Variants in DPF3 observed in about 807,000 individuals in gnomAD.
DPF3 encodes zinc finger protein DPF3.
Under a neutral mutation model 56.8 loss-of-function variants are expected in DPF3, and 18 were observed. The observed-to-expected ratio is 0.32, with a 90% confidence interval of 0.22 to 0.47. The LOEUF (loss-of-function observed/expected upper bound fraction) is 0.47. Among genes scored for constraint, DPF3 ranks in the 20% least tolerant of loss-of-function variants. The pLI, the probability that DPF3 is intolerant of heterozygous loss-of-function variation, is 1.00. For missense variants in DPF3, 403 were observed against 488.8 expected (o/e 0.82, Z 1.65); for synonymous variants, 188 against 180.2 (o/e 1.04, Z -0.35).
At position 72,764,791 on chromosome 14, in the gene DPF3, T is replaced by C. The variant is rs1891209336; in HGVS notation, c.193+6942A>G. Among the ~76,000 whole-genome samples, 4 of 152,168 alleles carry C rather than the reference T, an allele frequency of 2.6e-5. No homozygotes were observed. The South Asian group carries it at 6.2e-4, about 24-fold the overall frequency. On this transcript the variant is annotated intron_variant, in intron 2 of 10. Coordinates refer to ENST00000556509, the MANE Select transcript of DPF3 (RefSeq NM_001280542.3). ...CAGGCGTGAGCCACCGCGCCCGGCCTGTTTTCCTGAGTTCCAGCAAATGAT... is the reference window on the plus strand; with the variant it reads ...CAGGCGTGAGCCACCGCGCCCGGCCCGTTTTCCTGAGTTCCAGCAAATGAT...
At position 72,615,017 on chromosome 14, in the gene DPF3, G is replaced by A. The variant is rs1278848522; in HGVS notation, c.*4280C>T. Among the ~76,000 whole-genome samples, 2 of 151,964 alleles carry A rather than the reference G, an allele frequency of 1.3e-5. No homozygotes were observed. The highest frequency in any genetic ancestry group is 2.9e-5 in the Non-Finnish European group (2 of 67,974). Reference sequence around the variant, plus strand: ...CCACTGCTACCAGGAGCCAGGCCTGGGACTTGCGGCATCCTGTGGGAGTGT... The same window carrying A: ...CCACTGCTACCAGGAGCCAGGCCTGAGACTTGCGGCATCCTGTGGGAGTGT... On this transcript the variant is annotated 3_prime_UTR_variant, in exon 11 of 11. Coordinates refer to ENST00000556509, the MANE Select transcript of DPF3 (RefSeq NM_001280542.3).
At chr14:72,743,129 CAA>C (rs1406754588) in intron 3 of DPF3, among the ~76,000 whole-genome samples, 2 of 152,164 alleles carry the variant, frequency 1.3e-5, no homozygotes, top group Non-Finnish European at 2.9e-5. Flanking sequence ...AGAAAAAATA[CAA>C]GAGAAAGAAC....
chr14:72,775,579 A>T (rs538676354), intron 1 of DPF3, among the ~76,000 whole-genome samples: 1 of 152,164 alleles, frequency 6.6e-6, no homozygotes, highest in African/African-American at 2.4e-5. Context: ...ATGCTGGGGG[A>T]AAATGTATAT....
chr14:72,657,200 A>C (rs1439665720), intron 8 of DPF3, among the ~76,000 whole-genome samples: 1 of 152,112 alleles, frequency 6.6e-6, no homozygotes, highest in Non-Finnish European at 1.5e-5. Context: ...CAAAGAGACC[A>C]TTTCTCTAAT....
intron 1 of DPF3, among the ~76,000 whole-genome samples, chr14:72,889,127 T>C (rs1161159382): frequency 6.6e-6 from 1 of 151,908 alleles, no homozygotes; most frequent in Admixed American, 6.6e-5. Context: ...GGATGAGAGG[T>C]CTCCAACTCA....
intron 3 of DPF3, among the ~76,000 whole-genome samples, chr14:72,733,905 AAAG>A (rs1235669061): frequency 2.0e-5 from 3 of 152,232 alleles, no homozygotes; most frequent in Non-Finnish European, 4.4e-5. Context: ...GCCCCCAGAA[AAAG>A]AAGGTGGGAA....
At chr14:72,891,508 A>C (rs188407113) in intron 1 of DPF3, among the ~76,000 whole-genome samples, 57 of 152,092 alleles carry the variant, frequency 3.7e-4, no homozygotes, top group Admixed American at 1.8e-3. Context: ...CTTTGTTCTA[A>C]TTTATCCCAT....
intron 6 of DPF3, among the ~76,000 whole-genome samples, chr14:72,696,007 T>A (rs1256592573): frequency 6.6e-6 from 1 of 152,200 alleles, no homozygotes; most frequent in East Asian, 1.9e-4. Context: ...GCCCCTGAGG[T>A]GCACTCTGGA....
intron 1 of DPF3, among the ~76,000 whole-genome samples, chr14:72,837,433 T>C (rs893710926): frequency 2.0e-5 from 3 of 151,992 alleles, no homozygotes; most frequent in Non-Finnish European, 2.9e-5. Context: ...TCCCAGCCCT[T>C]AAAGAACTAA....
chr14:72,881,626 T>G (rs1489689075), intron 1 of DPF3, among the ~76,000 whole-genome samples: 2 of 152,104 alleles, frequency 1.3e-5, no homozygotes, highest in Non-Finnish European at 2.9e-5. Flanking sequence ...AAGGCAGATA[T>G]AAATCCAAAT....
chr14:72,728,140 T>A lies in DPF3; in HGVS notation c.429+3667A>T, dbSNP rs969629824. Among the ~76,000 whole-genome samples the A allele has an allele frequency of 4.7e-4, 72 of 152,300 alleles. 1 individual carries two copies. The highest frequency in any genetic ancestry group is 1.7e-3 in the African/African-American group (69 of 41,572). On this transcript the variant is annotated intron_variant, in intron 4 of 10. Transcript: ENST00000556509. ...GCCCCATGCATTGATTCTGTCAAAT[T>A]ACATGAACTAAGCAAAAAAATACTC... is the stretch of plus-strand genomic sequence containing the variant.
At chr14:72,747,427 T>C (rs1285866554) in intron 3 of DPF3, among the ~76,000 whole-genome samples, 1 of 152,072 alleles carries the variant, frequency 6.6e-6, no homozygotes, top group Non-Finnish European at 1.5e-5. Flanking sequence ...GGGTGTGGTA[T>C]GTGCTGAGAC....
intron 8 of DPF3, among the ~76,000 whole-genome samples, chr14:72,631,868 G>C (rs1885189983): frequency 6.6e-6 from 1 of 152,224 alleles, no homozygotes; most frequent in Admixed American, 6.5e-5. Flanking sequence ...AACCTAGACT[G>C]AGATGACAAG....
chr14:72,801,847 G>A (rs540496963), intron 1 of DPF3, among the ~76,000 whole-genome samples: 44 of 152,306 alleles, frequency 2.9e-4, no homozygotes, highest in South Asian at 6.2e-4. Context: ...GGGACTGAAG[G>A]TGTAGGACAG....
chr14:72,645,442 C>T (rs1885694646), intron 8 of DPF3, among the ~76,000 whole-genome samples: 1 of 152,040 alleles, frequency 6.6e-6, no homozygotes, highest in African/African-American at 2.4e-5. Flanking sequence ...CTACCTGCCT[C>T]CCCCAGTAGC....
chr14:72,773,446 T>C (rs1891624125), intron 1 of DPF3, among the ~76,000 whole-genome samples: 1 of 152,202 alleles, frequency 6.6e-6, no homozygotes, highest in South Asian at 2.1e-4. Flanking sequence ...AATTTCTTAA[T>C]TGTGGTAAAA....
At chr14:72,877,661 C>A (rs903130407) in intron 1 of DPF3, among the ~76,000 whole-genome samples, 1 of 152,196 alleles carries the variant, frequency 6.6e-6, no homozygotes, top group Non-Finnish European at 1.5e-5. Flanking sequence ...TCCTCTGACA[C>A]TCGCTGGGAT....
chr14:72,635,366 G>C (rs1885355252), intron 8 of DPF3, among the ~76,000 whole-genome samples: 1 of 152,190 alleles, frequency 6.6e-6, no homozygotes, highest in South Asian at 2.1e-4. Context: ...CAGCAGCCTT[G>C]GCACTGGAAG....
intron 1 of DPF3, among the ~76,000 whole-genome samples, chr14:72,777,045 G>T (rs894101712): frequency 6.6e-6 from 1 of 152,080 alleles, no homozygotes; most frequent in South Asian, 2.1e-4. Context: ...ACAGGACCTT[G>T]GCCCATCACT....
Sources: allele counts gnomAD v4.1 joint callset (sites outside exome capture counted in the v4.1 genomes callset), GRCh38; gene constraint gnomAD v4.1.1; transcripts MANE v1.5; gene names NCBI Gene and HGNC (gene_info 2026-07-23, HGNC 2026-07-21).